The following FAM135B variants were observed in gnomAD, a reference collection of about 807,000 sequenced individuals.
The protein encoded by FAM135B is protein FAM135B.
Under a neutral mutation model 127.7 loss-of-function variants are expected in FAM135B, and 43 were observed. The ratio of observed to expected loss-of-function variants is 0.34; its 90% CI spans 0.26 to 0.43. The LOEUF (loss-of-function observed/expected upper bound fraction) is 0.43, where lower values mean the gene tolerates loss of function less well. Among genes scored for constraint, FAM135B ranks in the 20% least tolerant of loss-of-function variants. The probability of loss-of-function intolerance (pLI) is 1.00; values close to 1 mark genes in which losing one functional copy is unlikely to be tolerated. For missense variants in FAM135B, 1,558 were observed against 1,725.6 expected (o/e 0.90, Z 1.72); for synonymous variants, 670 against 665.1 (o/e 1.01, Z -0.11).
intron 7 of FAM135B, among the ~76,000 whole-genome samples, chr8:138,223,539 T>G (rs1819188954): frequency 6.6e-6 from 1 of 152,164 alleles, no homozygotes; most frequent in African/African-American, 2.4e-5. Flanking sequence ...AAGAGGATCC[T>G]GAAGGGTATC....
intron 3 of FAM135B, among the ~76,000 whole-genome samples, chr8:138,309,636 CT>C (rs1407666620): frequency 6.6e-6 from 1 of 152,212 alleles, no homozygotes; most frequent in Non-Finnish European, 1.5e-5. Flanking sequence ...ACTTTCCTGA[CT>C]TGTGGGTATT....
intron 11 of FAM135B, among the ~76,000 whole-genome samples, chr8:138,170,511 C>T (rs147948148): frequency 9.9e-5 from 15 of 152,138 alleles, no homozygotes; most frequent in South Asian, 2.1e-4. Flanking sequence ...CGTGAGCCAC[C>T]GCGCCCGGCC....
intron 1 of FAM135B, among the ~76,000 whole-genome samples, chr8:138,428,041 C>G (rs1037532619): frequency 6.6e-6 from 1 of 152,116 alleles, no homozygotes; most frequent in African/African-American, 2.4e-5. Flanking sequence ...AACAGCACCA[C>G]GATCATAATA....
At chr8:138,447,245 G>C (rs1289825332) in intron 1 of FAM135B, among the ~76,000 whole-genome samples, 1 of 152,162 alleles carries the variant, frequency 6.6e-6, no homozygotes, top group Non-Finnish European at 1.5e-5. Flanking sequence ...AAGATAGTGT[G>C]GCGATTCCTC....
intron 1 of FAM135B, 150 bp downstream of exon 1, chr8:138,496,521 G>A (rs961646619): frequency 2.0e-5 from 3 of 152,400 alleles, no homozygotes; most frequent in Admixed American, 1.3e-4. Flanking sequence ...CAGAGAGACT[G>A]GGGAAAATCG....
chr8:138,295,282 G>A (rs1292634427), intron 3 of FAM135B, among the ~76,000 whole-genome samples: 2 of 151,664 alleles, frequency 1.3e-5, no homozygotes, highest in Non-Finnish European at 2.9e-5. Context: ...CACTGGTCTG[G>A]GAACCCATCA....
At chr8:138,184,863 C>T (rs1482196527) in intron 9 of FAM135B, among the ~76,000 whole-genome samples, 1 of 152,172 alleles carries the variant, frequency 6.6e-6, no homozygotes, top group Non-Finnish European at 1.5e-5. Flanking sequence ...AATCTCTTGC[C>T]CCACCTCAGC....
In FAM135B at chr8:138,242,899, A is replaced by G. The variant is rs1820941629; in HGVS notation, c.669+43T>C. 1 of 1,586,978 alleles carries G rather than the reference A, an allele frequency of 6.3e-7. No homozygotes were observed. The highest frequency in any genetic ancestry group is 8.6e-7 in the Non-Finnish European group (1 of 1,168,700). Reference sequence around the variant, plus strand: ...TCATAGAACATACACTCTGCAAAGTAAAGTTTGAAAGTTTTGAAGCAACTG... The same window carrying G: ...TCATAGAACATACACTCTGCAAAGTGAAGTTTGAAAGTTTTGAAGCAACTG... On this transcript the variant is annotated intron_variant, in intron 7 of 19. Transcript: ENST00000395297. This position sits in a 1 kb window ranked among gnomAD's most constrained non-coding sequence, Gnocchi z 9.6.
At chr8:138,206,341 C>CCACAGCTCTATCATCCCCTCCATCTACA (rs1817588568) in intron 7 of FAM135B, among the ~76,000 whole-genome samples, 1 of 13,222 alleles carries the variant, frequency 7.6e-5, no homozygotes, top group Non-Finnish European at 1.7e-4. Flanking sequence ...CTCCACCTAC[C>CCACAGCTCTATCATCCCCTCCATCTACA]CACAACTCCA....
intron 2 of FAM135B, among the ~76,000 whole-genome samples, chr8:138,352,208 A>G (rs1319732516): frequency 6.6e-6 from 1 of 152,178 alleles, no homozygotes; most frequent in Non-Finnish European, 1.5e-5. Context: ...TGACTGTTTA[A>G]AGGCCAAGAT....
intron 14 of FAM135B, 36 bp downstream of exon 14, chr8:138,148,484 A>C (rs201405444): frequency 6.4e-7 from 1 of 1,574,754 alleles, no homozygotes; most frequent in East Asian, 2.2e-5. Context: ...TGTATATATG[A>C]CAGAATTTGG....
intron 7 of FAM135B, among the ~76,000 whole-genome samples, chr8:138,208,012 A>G (rs1000323316): frequency 9.2e-5 from 14 of 152,160 alleles, no homozygotes; most frequent in African/African-American, 3.1e-4. Context: ...TCATTTGGGG[A>G]AAAGAAGGTA....
At chr8:138,394,072 CCT>C (rs1832733690) in intron 1 of FAM135B, among the ~76,000 whole-genome samples, 1 of 152,292 alleles carries the variant, frequency 6.6e-6, no homozygotes, top group South Asian at 2.1e-4. Context: ...GGACAGCACC[CCT>C]GAGTCCCAGG....
At chr8:138,407,445 G>A (rs1050817875) in intron 1 of FAM135B, among the ~76,000 whole-genome samples, 3 of 152,060 alleles carry the variant, frequency 2.0e-5, no homozygotes, top group Admixed American at 6.5e-5. Context: ...AGCCCACATC[G>A]CCAAGTCAAT....
rs748447050 is a variant in FAM135B, at chr8:138,151,371, A to G, written c.3104T>C (p.Val1035Ala). 1.2e-6 allele frequency: 2 copies of G among 1,613,788 alleles called. No homozygotes were observed. Residue 1035 changes from valine (V) to alanine (A), a missense_variant, in exon 13 of 20, where the codon GTG becomes GCG. Coordinates refer to ENST00000395297, the MANE Select transcript of FAM135B (RefSeq NM_015912.4). The stretch of plus-strand genomic sequence containing the variant: ...AGGGAGACAGGTGGCAGTGCAAGAC[A>G]CAGATAAGTTCACAACCTCCACAGC... ...LKAVEVVNLS[V>A]SCTATCLPFS...
intron 3 of FAM135B, among the ~76,000 whole-genome samples, chr8:138,282,184 A>C (rs774391533): frequency 2.0e-5 from 3 of 152,220 alleles, no homozygotes; most frequent in African/African-American, 4.8e-5. Context: ...TTTCAAAGAT[A>C]CCATACATTT....
At position 138,152,589 on chromosome 8, in the gene FAM135B, A is replaced by G; in HGVS notation, c.1886T>C (p.Val629Ala). The G allele has an allele frequency of 6.2e-7, 1 of 1,614,192 alleles. No homozygotes were observed. The highest frequency in any genetic ancestry group is 8.5e-7 in the Non-Finnish European group (1 of 1,180,030). The change falls in exon 13 of 20, where the codon GTG becomes GCG. Residue 629 changes from valine to alanine, a missense_variant. By Grantham distance (64) the Val-to-Ala change is moderately conservative. Coordinates refer to ENST00000395297, the MANE Select transcript of FAM135B (RefSeq NM_015912.4). ...GGGGGTGAGTTTCAAGCTTAGCAGC[A>G]CCATCTTCCCCTCTTGATCTATTCC... ...GKGIDQEGKM[V>A]LLSLKLTPSE...
intron 17 of FAM135B, among the ~76,000 whole-genome samples, chr8:138,139,858 C>G (rs1279787238): frequency 1.3e-5 from 2 of 152,196 alleles, no homozygotes; most frequent in African/African-American, 4.8e-5. Flanking sequence ...ATAACCACAA[C>G]AAGCAAATTA....
At chr8:138,270,818 C>T (rs1586932430) in intron 3 of FAM135B, among the ~76,000 whole-genome samples, 1 of 152,338 alleles carries the variant, frequency 6.6e-6, no homozygotes, top group East Asian at 1.9e-4. Flanking sequence ...CTTCCACACA[C>T]ATTTTGGAGG....
Sources: gnomAD v4.1 joint callset for allele counts (sites outside exome capture counted in the v4.1 genomes callset) on GRCh38, gnomAD v4.1.1 for gene constraint, Gnocchi (gnomAD v3.1) non-coding constraint, MANE v1.5 for transcripts, NCBI Gene and HGNC (gene_info 2026-07-23, HGNC 2026-07-21) for gene names.